Variants in SERBP1 observed in about 807,000 individuals in gnomAD.
The protein encoded by SERBP1 is SERPINE1 mRNA binding protein 1.
A neutral mutation model predicts 50.2 loss-of-function variants in SERBP1; 6 were observed. The observed-to-expected ratio is 0.12, with a 90% confidence interval of 0.07 to 0.24. The LOEUF (loss-of-function observed/expected upper bound fraction) is 0.24. Ranked by LOEUF, SERBP1 falls within the 10% of genes least tolerant of loss-of-function variation. The pLI is 1.00. For missense variants in SERBP1, 346 were observed against 524.9 expected (o/e 0.66, Z 3.33); for synonymous variants, 168 against 182.8 (o/e 0.92, Z 0.65).
chr1:67,425,625 T>C (rs532941530), intron 2 of SERBP1, among the ~76,000 whole-genome samples: 1 of 152,358 alleles, frequency 6.6e-6, no homozygotes, highest in South Asian at 2.1e-4. Flanking sequence ...ACTCTGTATC[T>C]GGAGAGAGAA....
At chr1:67,413,992 G>A (rs752206059) in intron 7 of SERBP1, among the ~76,000 whole-genome samples, 1 of 152,116 alleles carries the variant, frequency 6.6e-6, no homozygotes, top group South Asian at 2.1e-4. Context: ...GTTTCACAAC[G>A]TTGGCCAGGC....
chr1:67,424,678 GAA>G (rs3838405), intron 4 of SERBP1, among the ~76,000 whole-genome samples: 2 of 151,784 alleles, frequency 1.3e-5, no homozygotes, highest in Admixed American at 1.3e-4. Flanking sequence ...ATATGGGGGG[GAA>G]AAAATGAGTA....
chr1:67,425,684 G>T (rs1667348411), intron 2 of SERBP1, among the ~76,000 whole-genome samples: 1 of 152,140 alleles, frequency 6.6e-6, no homozygotes, highest in Non-Finnish European at 1.5e-5. Context: ...CATTACAAGA[G>T]ACCTAAGTTT....
At chr1:67,424,563 A>C in intron 4 of SERBP1, 1 of 497,288 alleles carries the variant, frequency 2.0e-6, no homozygotes, top group South Asian at 3.5e-5. Flanking sequence ...CAAATTTTGT[A>C]ATGACAACAA....
At chr1:67,425,516 C>T (rs1350118021) in intron 2 of SERBP1, among the ~76,000 whole-genome samples, 2 of 152,222 alleles carry the variant, frequency 1.3e-5, no homozygotes, top group African/African-American at 4.8e-5. Context: ...TTTACCAATA[C>T]ACTTAAAAAT....
In SERBP1 at chr1:67,411,883, CTA is replaced by C. The variant is rs1423285222; in HGVS notation, c.*1322_*1323del. 1.3e-5 allele frequency: 2 copies of C among 152,104 alleles called. No individual in the cohort carries two copies. Among genetic ancestry groups the C allele is most frequent in the African/African-American group, 2.4e-5 (1 of 41,394 alleles). 9.4% of individuals were successfully genotyped at this position (152,104 alleles called of 1,614,324 possible). On this transcript the variant is annotated 3_prime_UTR_variant, in exon 8 of 8. Coordinates refer to ENST00000361219, the MANE Select transcript of SERBP1 (RefSeq NM_001018069.2). ...TAGAAAACTTTTTTAATTCATCATTCTATGTGTGTTTTAATAAGTGGTGATGC... is the reference window on the plus strand; with the variant it reads ...TAGAAAACTTTTTTAATTCATCATTCTGTGTGTTTTAATAAGTGGTGATGC...
chr1:67,425,298 A>C, intron 2 of SERBP1, 75 bp from the exon 3 acceptor site: 1 of 1,360,256 alleles, frequency 7.4e-7, no homozygotes, highest in Non-Finnish European at 1.0e-6. Flanking sequence ...AAAGATCAAA[A>C]ATACAGAACA....
At chr1:67,424,441 C>A in intron 4 of SERBP1, 164 bp from the exon 5 acceptor site, 1 of 834,698 alleles carries the variant, frequency 1.2e-6, no homozygotes, top group Non-Finnish European at 1.8e-6. Context: ...TAAATATACT[C>A]CCCAGAAGAC....
chr1:67,423,078 C>T (rs1331924192), intron 5 of SERBP1, among the ~76,000 whole-genome samples: 1 of 151,492 alleles, frequency 6.6e-6, no homozygotes, highest in Non-Finnish European at 1.5e-5. Context: ...CTTTGGGAGG[C>T]CAAGGAGGGT....
chr1:67,415,138 G>T (rs1396295987), intron 7 of SERBP1, 28 bp downstream of exon 7: 1 of 1,545,888 alleles, frequency 6.5e-7, no homozygotes, highest in Non-Finnish European at 8.7e-7. Context: ...CTTAAATTAT[G>T]TAAAAGGAAA....
chr1:67,424,963 T>C lies in SERBP1; in HGVS notation c.620A>G (p.Tyr207Cys). 6.2e-7 allele frequency: 1 copy of C among 1,613,066 alleles called. No homozygotes were observed. Among genetic ancestry groups the C allele is most frequent in the South Asian group, 1.1e-5 (1 of 91,022 alleles). ...SGSDRSSFSH[Y>C]SGLKHEDKRG... ...TTTGTCCTCGTGCTTCAGGCCACTGTAATGTGAAAAAGAACTAACAAAACT... is the reference window on the plus strand; with the variant it reads ...TTTGTCCTCGTGCTTCAGGCCACTGCAATGTGAAAAAGAACTAACAAAACT... Residue 207 changes from tyrosine (Y) to cysteine (C), a missense_variant, in exon 4 of 8, where the codon TAC becomes TGC. Around this residue, in one of 5 missense-constraint regions of SERBP1, gnomAD observed 257 missense variants for 331.2 expected, o/e 0.78. Transcript: ENST00000361219.
rs556329539 is a variant in SERBP1, at chr1:67,420,413, T to G, written c.774-227A>C. On this transcript the variant is annotated intron_variant, in intron 5 of 7. Transcript: ENST00000361219. Reference sequence around the variant, plus strand: ...GTAAGGAATATGGAATTCATACTTATGAACTCTTAAATGATCATTTATCAG... The same window carrying G: ...GTAAGGAATATGGAATTCATACTTAGGAACTCTTAAATGATCATTTATCAG... 8.4e-5 allele frequency: 37 copies of G among 439,122 alleles called. No homozygotes were observed. The East Asian group carries it at 1.2e-3, about 14-fold the overall frequency. 27.2% of individuals were successfully genotyped at this position (439,122 alleles called of 1,614,324 possible). A position where few individuals can be genotyped will look rare whatever the true frequency, so the allele number is the denominator to read the frequency against.
At chr1:67,428,776 C>G (rs1667470076) in intron 1 of SERBP1, among the ~76,000 whole-genome samples, 1 of 149,216 alleles carries the variant, frequency 6.7e-6, no homozygotes, top group African/African-American at 2.5e-5. Flanking sequence ...AATCCTACCA[C>G]GAGAAAATTG....
intron 4 of SERBP1, 70 bp downstream of exon 4, chr1:67,424,818 T>C: frequency 1.6e-5 from 18 of 1,154,340 alleles, no homozygotes; most frequent in Non-Finnish European, 2.3e-5. Context: ...CAGAGACAAG[T>C]AAAATTTGAC....
Position 67,430,346 on chromosome 1 carries a change from C to T in SERBP1, c.-46G>A. 1 of 1,490,816 alleles carries T rather than the reference C, an allele frequency of 6.7e-7. No homozygotes were observed. The allele number at this position is 1,490,816 out of a possible 1,614,324, so 92.3% of individuals were successfully genotyped here. A position where few individuals can be genotyped will look rare whatever the true frequency, so the allele number is the denominator to read the frequency against. ...TTCCTCCACGGATTGCAGCGGGCCG[C>T]GCCGAGCCAAGAGCGCCTGCTTCAG... is the stretch of plus-strand genomic sequence containing the variant. On this transcript the variant is annotated 5_prime_UTR_variant, in exon 1 of 8. Coordinates refer to ENST00000361219, the MANE Select transcript of SERBP1 (RefSeq NM_001018069.2).
chr1:67,424,946 C>T lies in SERBP1; in HGVS notation c.637G>A (p.Glu213Lys). ...SFSHYSGLKHEDKRGGSGSHN... is the reference protein window; with the variant it reads ...SFSHYSGLKHKDKRGGSGSHN... ...GATCCGCTACCTCCACGTTTGTCCT[C>T]GTGCTTCAGGCCACTGTAATGTGAA... Residue 213 changes from glutamate (E) to lysine (K), a missense_variant, in exon 4 of 8, where the codon GAG (glutamate) becomes AAG (lysine). Transcript: ENST00000361219. The T allele has an allele frequency of 1.2e-6, 2 of 1,612,958 alleles. No individual in the cohort carries two copies. Among genetic ancestry groups the T allele is most frequent in the African/African-American group, 1.3e-5 (1 of 75,010 alleles).
intron 6 of SERBP1, among the ~76,000 whole-genome samples, chr1:67,419,274 A>G (rs557709146): frequency 4.3e-4 from 65 of 152,366 alleles, no homozygotes; most frequent in African/African-American, 1.5e-3. Context: ...CACAGTATAT[A>G]ATACGCAACA....
At position 67,409,690 on chromosome 1, in the gene SERBP1, TAA is replaced by T. The variant is rs1157479552; in HGVS notation, c.*3515_*3516del. 6 of 152,154 alleles carry T rather than the reference TAA, an allele frequency of 3.9e-5. No homozygotes were observed. Among genetic ancestry groups the T allele is most frequent in the African/African-American group, 1.4e-4 (6 of 41,432 alleles). 9.4% of individuals were successfully genotyped at this position (152,154 alleles called of 1,614,324 possible). On this transcript the variant is annotated 3_prime_UTR_variant, in exon 8 of 8. Transcript: ENST00000361219. ...TTCACATAACCTCCAAATTTGAACT[TAA>T]AAGTCAAGGAAGATGAAGAGGTAAT...
chr1:67,418,840 G>A (rs1271610500), intron 6 of SERBP1, among the ~76,000 whole-genome samples: 1 of 152,128 alleles, frequency 6.6e-6, no homozygotes, highest in Non-Finnish European at 1.5e-5. Context: ...ACCTTAGGAT[G>A]ATAAAACTCA....
Sources: allele counts gnomAD v4.1 joint callset (sites outside exome capture counted in the v4.1 genomes callset), GRCh38; gene constraint gnomAD v4.1.1; regional missense constraint gnomAD v4.1.1; transcripts MANE v1.5; gene names NCBI Gene and HGNC (gene_info 2026-07-23, HGNC 2026-07-21).